SLC35F1: variants seen among roughly 807,000 people sequenced by gnomAD.
SLC35F1 encodes the protein chromosome 6 open reading frame 169.
A neutral mutation model predicts 48.7 loss-of-function variants in SLC35F1; 14 were observed. The observed-to-expected ratio is 0.29, with a 90% CI of 0.19 to 0.45. SLC35F1 has a LOEUF of 0.45. Ranked by LOEUF, SLC35F1 falls within the 20% of genes least tolerant of loss-of-function variation. The probability of loss-of-function intolerance (pLI) is 1.00; values close to 1 mark genes in which losing one functional copy is unlikely to be tolerated. For missense variants in SLC35F1, 404 were observed against 500.0 expected (o/e 0.81, Z 1.83); for synonymous variants, 190 against 202.2 (o/e 0.94, Z 0.51).
rs745661654 is a variant in SLC35F1, at chr6:118,277,562, A to G, written c.847+16A>G. On this transcript the variant is annotated intron_variant, in intron 6 of 7. Transcript: ENST00000360388. ...TGGCAAATAGGTAAGGAGTTGGCTC[A>G]CATACGATGCTCTTTTTATAACCTG... 1.9e-6 allele frequency: 3 copies of G among 1,611,864 alleles called. No homozygotes were observed. Among genetic ancestry groups the G allele is most frequent in the South Asian group, 2.2e-5 (2 of 91,010 alleles).
At chr6:118,186,716 A>G (rs1337561029) in intron 2 of SLC35F1, among the ~76,000 whole-genome samples, 8 of 152,328 alleles carry the variant, frequency 5.3e-5, no homozygotes. Flanking sequence ...AGAGATATAA[A>G]AGTGAATAGG....
intron 1 of SLC35F1, among the ~76,000 whole-genome samples, chr6:118,107,419 A>T (rs1218705200): frequency 1.3e-5 from 2 of 152,190 alleles, no homozygotes; most frequent in Non-Finnish European, 2.9e-5. Context: ...GAGTGACTAC[A>T]GGGGGAACAT....
intron 1 of SLC35F1, among the ~76,000 whole-genome samples, chr6:118,122,416 T>C (rs962439467): frequency 6.6e-5 from 10 of 152,190 alleles, no homozygotes; most frequent in Admixed American, 3.3e-4. Flanking sequence ...AAGCTGCTCA[T>C]TAAACAAGCT....
intron 1 of SLC35F1, among the ~76,000 whole-genome samples, chr6:118,049,063 A>T (rs956333602): frequency 2.2e-4 from 33 of 152,138 alleles, no homozygotes; most frequent in Non-Finnish European, 4.9e-4. Flanking sequence ...AATGCCGCAT[A>T]TCTACAACCA....
At chr6:118,296,162 C>G (rs758668294) in intron 7 of SLC35F1, among the ~76,000 whole-genome samples, 9 of 152,202 alleles carry the variant, frequency 5.9e-5, no homozygotes, top group Non-Finnish European at 1.3e-4. Context: ...CAGAGCCATG[C>G]CCATTTCTTC....
At chr6:118,107,846 C>G (rs1343219773) in intron 1 of SLC35F1, among the ~76,000 whole-genome samples, 1 of 151,958 alleles carries the variant, frequency 6.6e-6, no homozygotes, top group African/African-American at 2.4e-5. Context: ...AAATTACAGA[C>G]AATTTCAGGG....
intron 1 of SLC35F1, among the ~76,000 whole-genome samples, chr6:117,941,468 A>G (rs1776231649): frequency 6.6e-6 from 1 of 152,220 alleles, no homozygotes; most frequent in Non-Finnish European, 1.5e-5. Flanking sequence ...AGCCAAAGCC[A>G]TTCAGTAACA....
intron 2 of SLC35F1, among the ~76,000 whole-genome samples, chr6:118,206,256 GT>G (rs1359443583): frequency 1.3e-5 from 2 of 152,132 alleles, no homozygotes; most frequent in Non-Finnish European, 2.9e-5. Context: ...TGATGGTCTG[GT>G]TTTTATGCAA....
intron 7 of SLC35F1, among the ~76,000 whole-genome samples, chr6:118,305,455 T>C (rs542478809): frequency 3.3e-5 from 5 of 152,248 alleles, no homozygotes; most frequent in African/African-American, 9.6e-5. Context: ...CCATCACAAG[T>C]CCATCCCTTT....
At chr6:118,077,234 G>A (rs902374684) in intron 1 of SLC35F1, among the ~76,000 whole-genome samples, 2 of 152,172 alleles carry the variant, frequency 1.3e-5, no homozygotes, top group Non-Finnish European at 2.9e-5. Context: ...CAGGTTAGTC[G>A]GGGCTGCTGG....
intron 1 of SLC35F1, among the ~76,000 whole-genome samples, chr6:118,052,844 G>A (rs577900914): frequency 1.3e-5 from 2 of 152,266 alleles, no homozygotes; most frequent in African/African-American, 4.8e-5. Context: ...CTAGAAAAAT[G>A]TAGTTTCTTT....
At chr6:118,132,950 T>C (rs2114425918) in intron 1 of SLC35F1, among the ~76,000 whole-genome samples, 1 of 152,262 alleles carries the variant, frequency 6.6e-6, no homozygotes, top group South Asian at 2.1e-4. Flanking sequence ...ATGCTGCTTC[T>C]AGAGGAAGGC....
intron 7 of SLC35F1, among the ~76,000 whole-genome samples, chr6:118,288,799 G>T (rs1055416149): frequency 2.0e-5 from 3 of 151,918 alleles, no homozygotes; most frequent in Non-Finnish European, 2.9e-5. Context: ...TCAGATGGTT[G>T]GGGGGGCCTT....
intron 1 of SLC35F1, among the ~76,000 whole-genome samples, chr6:117,978,327 T>A (rs1582596806): frequency 2.6e-5 from 4 of 151,034 alleles, no homozygotes. Flanking sequence ...AGAAAATAAA[T>A]CTTACCAGAT....
At chr6:117,978,258 T>C (rs1776729190) in intron 1 of SLC35F1, among the ~76,000 whole-genome samples, 1 of 152,126 alleles carries the variant, frequency 6.6e-6, no homozygotes, top group South Asian at 2.1e-4. Flanking sequence ...TTTGAAAGAA[T>C]ATTCCTATGG....
intron 1 of SLC35F1, among the ~76,000 whole-genome samples, chr6:118,026,333 A>G (rs1388381589): frequency 6.6e-6 from 1 of 152,194 alleles, no homozygotes; most frequent in African/African-American, 2.4e-5. Flanking sequence ...GGGAGAAGTC[A>G]GGTGGTTCAG....
intron 1 of SLC35F1, among the ~76,000 whole-genome samples, chr6:118,005,484 C>T (rs1351354028): frequency 2.0e-5 from 3 of 152,096 alleles, no homozygotes; most frequent in African/African-American, 4.8e-5. Flanking sequence ...TGACTCTAGA[C>T]ATTCCCTATT....
intron 1 of SLC35F1, 145 bp from the exon 2 acceptor site, chr6:118,154,300 G>T: frequency 1.5e-6 from 1 of 647,678 alleles, no homozygotes; most frequent in Non-Finnish European, 2.5e-6. Context: ...CCTTCCTCGA[G>T]GGATTGCTTT....
chr6:118,160,227 A>G (rs1321520526), intron 2 of SLC35F1, among the ~76,000 whole-genome samples: 1 of 152,236 alleles, frequency 6.6e-6, no homozygotes, highest in East Asian at 1.9e-4. Flanking sequence ...ATTGAGTGTT[A>G]TGAGTACTAA....
Sources: gnomAD v4.1 joint callset for allele counts (sites outside exome capture counted in the v4.1 genomes callset) on GRCh38, gnomAD v4.1.1 for gene constraint, MANE v1.5 for transcripts, NCBI Gene and HGNC (gene_info 2026-07-23, HGNC 2026-07-21) for gene names.